Variants in DLGAP1 observed in about 807,000 individuals in gnomAD.
DLGAP1 encodes disks large-associated protein 1.
A neutral mutation model predicts 90.8 loss-of-function variants in DLGAP1; 11 were observed. The ratio of observed to expected loss-of-function variants is 0.12; its 90% CI spans 0.08 to 0.20. The LOEUF (loss-of-function observed/expected upper bound fraction) is 0.20. DLGAP1 is among the 10% of genes least tolerant of loss of function. The probability of loss-of-function intolerance (pLI) is 1.00; values close to 1 mark genes in which losing one functional copy is unlikely to be tolerated. For synonymous variants in DLGAP1, 558 were observed against 540.7 expected, an observed-to-expected ratio of 1.03 and a Z score of -0.44; for missense variants, 1,050 against 1,333.8, an observed-to-expected ratio of 0.79 and a Z score of 3.31.
chr18:4,234,454 T>C (rs1335096108), intron 1 of DLGAP1, among the ~76,000 whole-genome samples: 1 of 152,208 alleles, frequency 6.6e-6, no homozygotes, highest in Admixed American at 6.5e-5. Flanking sequence ...ATTTTCAATA[T>C]GTTCTTAGTT....
intron 9 of DLGAP1, among the ~76,000 whole-genome samples, chr18:3,542,291 C>T (rs1410091740): frequency 1.3e-5 from 2 of 152,286 alleles, no homozygotes; most frequent in East Asian, 1.9e-4. Flanking sequence ...GTATACACAC[C>T]TCTGAACACA....
intron 5 of DLGAP1, among the ~76,000 whole-genome samples, chr18:3,796,011 C>T (rs910961809): frequency 4.6e-5 from 7 of 152,120 alleles, no homozygotes; most frequent in South Asian, 2.1e-4. Flanking sequence ...AGGGCTAATA[C>T]GATTAAGGAG....
intron 5 of DLGAP1, among the ~76,000 whole-genome samples, chr18:3,803,981 T>A (rs1290831900): frequency 1.2e-5 from 1 of 82,806 alleles, no homozygotes; most frequent in Non-Finnish European, 2.6e-5. Context: ...TATATATATA[T>A]ATATATATAT....
chr18:3,646,706 C>A (rs557627228), intron 7 of DLGAP1, among the ~76,000 whole-genome samples: 1 of 151,878 alleles, frequency 6.6e-6, no homozygotes, highest in Non-Finnish European at 1.5e-5. Context: ...GGGCAGATCA[C>A]GAGGTCAGGA....
chr18:4,265,702 C>T lies in DLGAP1; in HGVS notation c.-266-114415G>A, dbSNP rs188903002. On this transcript the variant is annotated intron_variant, in intron 1 of 12. Coordinates refer to ENST00000315677, the MANE Select transcript of DLGAP1 (RefSeq NM_004746.4). The stretch of plus-strand genomic sequence containing the variant: ...CTTCCTTCCTTCCTTCCTTCCTTCC[C>T]TCCTCTCTTCAGTGTCTCACTGTTG... Among the ~76,000 whole-genome samples, 165 of 117,524 alleles carry T rather than the reference C, an allele frequency of 1.4e-3. 4 individuals are homozygous for T. Among genetic ancestry groups the T allele is most frequent in the African/African-American group, 5.8e-3 (152 of 26,232 alleles). 77.1% of individuals were successfully genotyped at this position (117,524 alleles called of 152,430 possible). A position where few individuals can be genotyped will look rare whatever the true frequency, so the allele number is the denominator to read the frequency against.
rs1022275840 is a variant in DLGAP1 at position 4,454,157 on chromosome 18, T to G, written c.-267+849A>C. On this transcript the variant is annotated intron_variant, in intron 1 of 12. Transcript: ENST00000315677. This position sits in a 1 kb window ranked among gnomAD's most constrained non-coding sequence, Gnocchi z 4.7. ...GCAAAAAGCGCAGCAGCCGAAGTCCTGAAAGCAGGGTCTTCATCGCCGCGG... is the reference window on the plus strand; with the variant it reads ...GCAAAAAGCGCAGCAGCCGAAGTCCGGAAAGCAGGGTCTTCATCGCCGCGG... Among the ~76,000 whole-genome samples the G allele has an allele frequency of 5.3e-5, 8 of 152,216 alleles. No individual in the cohort carries two copies. The highest frequency in any genetic ancestry group is 1.0e-4 in the Non-Finnish European group (7 of 68,042).
intron 1 of DLGAP1, among the ~76,000 whole-genome samples, chr18:4,434,532 CTG>C (rs2083358883): frequency 6.6e-6 from 1 of 152,168 alleles, no homozygotes; most frequent in Non-Finnish European, 1.5e-5. Flanking sequence ...AGTTTGTACA[CTG>C]TGAGTCTTAC....
chr18:3,953,057 C>T (rs2073019951), intron 3 of DLGAP1, among the ~76,000 whole-genome samples: 1 of 152,154 alleles, frequency 6.6e-6, no homozygotes, highest in African/African-American at 2.4e-5. Context: ...CAGAAAGCAG[C>T]CTAAATTTTT....
intron 2 of DLGAP1, among the ~76,000 whole-genome samples, chr18:4,009,281 G>T (rs978269462): frequency 2.0e-5 from 3 of 152,094 alleles, no homozygotes. Context: ...GAGCGGATGC[G>T]GATCATCAGG....
At chr18:3,873,277 C>A (rs1189061900) in intron 4 of DLGAP1, among the ~76,000 whole-genome samples, 2 of 152,094 alleles carry the variant, frequency 1.3e-5, no homozygotes, top group Admixed American at 1.3e-4. Context: ...TAGCACCAGG[C>A]AGGAGCAATC....
Position 4,454,917 on chromosome 18 carries a change from G to C in DLGAP1, c.-267+89C>G, listed in dbSNP as rs2083936397. ...TCCGCGGGCGAGGGAAGCGGCGACC[G>C]CGCGGCAGGCAGCAGCCAGGAGCCA... On this transcript the variant is annotated intron_variant, in intron 1 of 12. Coordinates refer to ENST00000315677, the MANE Select transcript of DLGAP1 (RefSeq NM_004746.4). The surrounding 1 kb of genome is among the most constrained non-coding windows in gnomAD (Gnocchi z 4.7). 1 of 150,744 alleles carries C rather than the reference G, an allele frequency of 6.6e-6. No homozygotes were observed. The highest frequency in any genetic ancestry group is 1.5e-5 in the Non-Finnish European group (1 of 67,592). The allele number at this position is 150,744 out of a possible 1,614,324, so 9.3% of individuals were successfully genotyped here.
chr18:3,892,796 A>G (rs1429225223), intron 3 of DLGAP1, among the ~76,000 whole-genome samples: 1 of 151,862 alleles, frequency 6.6e-6, no homozygotes, highest in African/African-American at 2.4e-5. Flanking sequence ...CATTCTTCAA[A>G]GACAAGGTTT....
At chr18:4,198,999 C>G (rs2077557697) in intron 1 of DLGAP1, among the ~76,000 whole-genome samples, 1 of 152,182 alleles carries the variant, frequency 6.6e-6, no homozygotes, top group Non-Finnish European at 1.5e-5. Context: ...AAGTGCTCAT[C>G]AGTCAAAATG....
intron 1 of DLGAP1, among the ~76,000 whole-genome samples, chr18:4,238,568 A>G (rs1381407231): frequency 6.6e-6 from 1 of 152,142 alleles, no homozygotes; most frequent in African/African-American, 2.4e-5. Context: ...TTCACTCTCG[A>G]TTTTTGGTAT....
chr18:4,292,008 C>T (rs1436851620), intron 1 of DLGAP1, among the ~76,000 whole-genome samples: 1 of 152,144 alleles, frequency 6.6e-6, no homozygotes, highest in African/African-American at 2.4e-5. Context: ...CTCACATACA[C>T]ACCGTGAATC....
At chr18:3,974,310 G>A (rs1417463295) in intron 3 of DLGAP1, among the ~76,000 whole-genome samples, 6 of 152,034 alleles carry the variant, frequency 3.9e-5, no homozygotes, top group Admixed American at 2.0e-4. Flanking sequence ...TCCTGATCTC[G>A]AAAACACATT....
At chr18:3,900,578 G>C (rs2071759244) in intron 3 of DLGAP1, among the ~76,000 whole-genome samples, 1 of 152,130 alleles carries the variant, frequency 6.6e-6, no homozygotes, top group African/African-American at 2.4e-5. Flanking sequence ...AAAACAAAAG[G>C]AGTGGAAGAA....
chr18:4,017,739 A>G (rs1320568146), intron 2 of DLGAP1, among the ~76,000 whole-genome samples: 2 of 152,226 alleles, frequency 1.3e-5, no homozygotes, highest in East Asian at 1.9e-4. Context: ...GAAGTAGTTC[A>G]TTTGCATAAT....
chr18:3,680,557 G>A (rs1046960807), intron 7 of DLGAP1, among the ~76,000 whole-genome samples: 1 of 152,200 alleles, frequency 6.6e-6, no homozygotes, highest in Non-Finnish European at 1.5e-5. Context: ...GGAGGCTGAG[G>A]TGGGCAGATC....
Sources: gnomAD v4.1 joint callset for allele counts (sites outside exome capture counted in the v4.1 genomes callset) on GRCh38, gnomAD v4.1.1 for gene constraint, Gnocchi (gnomAD v3.1) non-coding constraint, MANE v1.5 for transcripts, NCBI Gene and HGNC (gene_info 2026-07-23, HGNC 2026-07-21) for gene names.